Variants in CAMTA1 observed in about 807,000 individuals in gnomAD.
CAMTA1 encodes the protein calmodulin-binding transcription activator 1.
CAMTA1 carries 27 observed loss-of-function variants against 170.9 expected under a neutral mutation model. The ratio of observed to expected loss-of-function variants is 0.16; its 90% CI spans 0.12 to 0.22. CAMTA1 has a LOEUF of 0.22. CAMTA1 is among the 10% of genes least tolerant of loss of function. The probability of loss-of-function intolerance (pLI) is 1.00; values close to 1 mark genes in which losing one functional copy is unlikely to be tolerated. For missense variants in CAMTA1, 1,619 were observed against 2,217.2 expected, an observed-to-expected ratio of 0.73 and a Z score of 5.42; for synonymous variants, 833 against 891.5, an observed-to-expected ratio of 0.93 and a Z score of 1.17.
intron 5 of CAMTA1, among the ~76,000 whole-genome samples, chr1:7,445,877 G>A (rs1229324603): frequency 6.6e-6 from 1 of 152,148 alleles, no homozygotes; most frequent in Admixed American, 6.5e-5. Flanking sequence ...CGAACATTCA[G>A]GGGTCAGGAT....
chr1:6,866,016 A>G (rs1666466954), intron 3 of CAMTA1, among the ~76,000 whole-genome samples: 1 of 152,228 alleles, frequency 6.6e-6, no homozygotes, highest in South Asian at 2.1e-4. Flanking sequence ...GCTATTATCA[A>G]CTTGAATTTG....
chr1:7,555,225 A>G (rs983366008), intron 6 of CAMTA1, among the ~76,000 whole-genome samples: 1 of 152,168 alleles, frequency 6.6e-6, no homozygotes, highest in African/African-American at 2.4e-5. Context: ...ACTAGAGGAA[A>G]CTGACAGCTT....
At chr1:7,368,912 ATGGCACCATGACTGTCACACTGCACTG>A (rs1475195203) in intron 5 of CAMTA1, 1 of 152,194 alleles carries the variant, frequency 6.6e-6, no homozygotes, top group African/African-American at 2.4e-5. Context: ...TTGACTTCCC[ATGGCACCATGACTGTCACACTGCACTG>A]TGGCACAGTG....
intron 6 of CAMTA1, among the ~76,000 whole-genome samples, chr1:7,469,570 CT>C (rs1383834373): frequency 6.6e-6 from 1 of 152,206 alleles, no homozygotes; most frequent in African/African-American, 2.4e-5. Flanking sequence ...TTCATGCCCC[CT>C]GGTCAGAACA....
intron 3 of CAMTA1, among the ~76,000 whole-genome samples, chr1:6,966,410 G>A (rs1691558326): frequency 6.6e-6 from 1 of 151,872 alleles, no homozygotes; most frequent in African/African-American, 2.4e-5. Context: ...GCTGCCTCTG[G>A]TCATTTCATA....
At chr1:7,473,445 C>G (rs2093367907) in intron 6 of CAMTA1, among the ~76,000 whole-genome samples, 1 of 152,202 alleles carries the variant, frequency 6.6e-6, no homozygotes, top group South Asian at 2.1e-4. Flanking sequence ...GTGGCCTCTC[C>G]AGGCTGCTAC....
At chr1:7,495,436 C>A (rs2093811240) in intron 6 of CAMTA1, among the ~76,000 whole-genome samples, 1 of 152,150 alleles carries the variant, frequency 6.6e-6, no homozygotes, top group Non-Finnish European at 1.5e-5. Context: ...GATCTAAGAT[C>A]ATTTGTCTTT....
At chr1:6,808,001 T>C (rs1043805906) in intron 1 of CAMTA1, among the ~76,000 whole-genome samples, 1 of 151,620 alleles carries the variant, frequency 6.6e-6, no homozygotes, top group African/African-American at 2.4e-5. Context: ...GAGGTGGAAT[T>C]TGACCTGAAA....
intron 5 of CAMTA1, among the ~76,000 whole-genome samples, chr1:7,398,654 G>A (rs1258404943): frequency 2.0e-5 from 3 of 151,950 alleles, no homozygotes; most frequent in African/African-American, 7.3e-5. Flanking sequence ...TTATTGATAG[G>A]TAAGGACTTA....
intron 5 of CAMTA1, among the ~76,000 whole-genome samples, chr1:7,313,094 G>A (rs1409684953): frequency 3.3e-5 from 5 of 152,120 alleles, no homozygotes; most frequent in Non-Finnish European, 5.9e-5. Flanking sequence ...GAACTACTAT[G>A]AAGGAATTTC....
intron 4 of CAMTA1, among the ~76,000 whole-genome samples, chr1:7,229,938 T>A (rs1662419231): frequency 6.6e-6 from 1 of 152,086 alleles, no homozygotes; most frequent in Admixed American, 6.5e-5. Flanking sequence ...AGATGTTTCT[T>A]CTTGGGGTTT....
intron 5 of CAMTA1, among the ~76,000 whole-genome samples, chr1:7,464,439 C>T (rs1035523424): frequency 3.9e-5 from 6 of 152,334 alleles, no homozygotes; most frequent in African/African-American, 1.2e-4. Context: ...ATTCGCCACA[C>T]GGCCTCATGG....
At chr1:7,742,976 T>C (rs2096829258) in intron 16 of CAMTA1, among the ~76,000 whole-genome samples, 1 of 152,100 alleles carries the variant, frequency 6.6e-6, no homozygotes, top group Non-Finnish European at 1.5e-5. Flanking sequence ...TTACAGATAC[T>C]GTAAGAAAGC....
At position 7,365,514 on chromosome 1, in the gene CAMTA1, T is replaced by G. The variant is rs372614032; in HGVS notation, c.439-102316T>G. Among the ~76,000 whole-genome samples the G allele has an allele frequency of 2.1e-4, 32 of 152,336 alleles. No homozygotes were observed. In the South Asian group the frequency reaches 6.2e-3, roughly 30 times the overall value. On this transcript the variant is annotated intron_variant, in intron 5 of 22. Transcript: ENST00000303635. ...AAGTATAAACGTGCAGCCAAGCGTC[T>G]TCTTTCCCTAGGCCCCGCGCCTGGG...
At chr1:7,498,598 TGA>T (rs1165139898) in intron 6 of CAMTA1, among the ~76,000 whole-genome samples, 12 of 151,800 alleles carry the variant, frequency 7.9e-5, no homozygotes, top group Admixed American at 2.0e-4. Context: ...TGTGTACGTG[TGA>T]GTGTGAACAT....
At chr1:6,995,281 CT>C (rs1196104608) in intron 3 of CAMTA1, among the ~76,000 whole-genome samples, 22 of 83,846 alleles carry the variant, frequency 2.6e-4, no homozygotes, top group African/African-American at 6.9e-4. Flanking sequence ...CCTTTAAAAT[CT>C]TTTTTTTCTT....
At chr1:7,415,039 G>T (rs1482994168) in intron 5 of CAMTA1, among the ~76,000 whole-genome samples, 1 of 151,402 alleles carries the variant, frequency 6.6e-6, no homozygotes, top group African/African-American at 2.4e-5. Context: ...TCAGGAGCAG[G>T]TTGTTCAGTT....
At position 7,065,283 on chromosome 1, in the gene CAMTA1, G is replaced by T. The variant is rs1417262226; in HGVS notation, c.235-26021G>T. Among the ~76,000 whole-genome samples the T allele has an allele frequency of 5.9e-5, 9 of 152,174 alleles. No homozygotes were observed. The highest frequency in any genetic ancestry group is 5.9e-4 in the Admixed American group (9 of 15,280). On this transcript the variant is annotated intron_variant, in intron 3 of 22. Coordinates refer to ENST00000303635, the MANE Select transcript of CAMTA1 (RefSeq NM_015215.4). This position sits in a 1 kb window ranked among gnomAD's most constrained non-coding sequence, Gnocchi z 5.2. ...AGAGGAGAAGGGGGAACCAGTTGTT[G>T]CAGGAAGATGGACAGCCCATGAGGT...
rs1430306503 is a variant in CAMTA1 at position 7,293,062 on chromosome 1, C to T, written c.438+43436C>T. On this transcript the variant is annotated intron_variant, in intron 5 of 22. Coordinates refer to ENST00000303635, the MANE Select transcript of CAMTA1 (RefSeq NM_015215.4). The surrounding 1 kb of genome is among the most constrained non-coding windows in gnomAD (Gnocchi z 4.1). ...AAGCTCCGGCGGGGTGTCCTACTCC[C>T]TGCTGGGTCACTGGAGCTTCCAGAG... Among the ~76,000 whole-genome samples, 4 of 152,202 alleles carry T rather than the reference C, an allele frequency of 2.6e-5. No individual in the cohort carries two copies. Among genetic ancestry groups the T allele is most frequent in the Non-Finnish European group, 4.4e-5 (3 of 68,016 alleles).
Sources: gnomAD v4.1 joint callset for allele counts (sites outside exome capture counted in the v4.1 genomes callset) on GRCh38, gnomAD v4.1.1 for gene constraint, Gnocchi (gnomAD v3.1) non-coding constraint, MANE v1.5 for transcripts, NCBI Gene and HGNC (gene_info 2026-07-23, HGNC 2026-07-21) for gene names.